The following GPC3 variants were observed in gnomAD, a reference collection of about 807,000 sequenced individuals.
GPC3 encodes glypican 3.
Under a neutral mutation model 34.4 loss-of-function variants are expected in GPC3, and 3 were observed. The observed-to-expected ratio is 0.09, with a 90% CI of 0.04 to 0.23. The LOEUF is 0.23. GPC3 is among the 10% of genes least tolerant of loss of function. The probability of loss-of-function intolerance (pLI) is 1.00; values close to 1 mark genes in which losing one functional copy is unlikely to be tolerated. For synonymous variants in GPC3, 177 were observed against 174.0 expected (o/e 1.02, Z -0.13); for missense variants, 351 against 445.6 (o/e 0.79, Z 1.91).
intron 6 of GPC3, among the ~76,000 whole-genome samples, chrX:133,632,040 T>C (rs2070372095): frequency 9.0e-6 from 1 of 111,212 alleles, no homozygotes; most frequent in Admixed American, 9.7e-5. Flanking sequence ...AATGATTTTT[T>C]TCAGGATACA....
intron 6 of GPC3, among the ~76,000 whole-genome samples, chrX:133,623,724 C>T (rs1462761733): frequency 4.5e-5 from 5 of 111,156 alleles, no homozygotes; most frequent in African/African-American, 1.6e-4. Flanking sequence ...ACTTTAACAC[C>T]CCACTGCCAA....
chrX:133,755,612 G>C (rs1432417500), intron 2 of GPC3, among the ~76,000 whole-genome samples: 1 of 112,482 alleles, frequency 8.9e-6, no homozygotes, highest in African/African-American at 3.2e-5. Flanking sequence ...CAGTGAGAGT[G>C]TAACAGTCTC....
intron 3 of GPC3, among the ~76,000 whole-genome samples, chrX:133,735,235 G>T (rs2071499200): frequency 9.0e-6 from 1 of 111,636 alleles, no homozygotes; most frequent in African/African-American, 3.3e-5. Flanking sequence ...ATTCAAAGCA[G>T]CATGGCACTG....
At chrX:133,794,034 A>T (rs2075563467) in intron 2 of GPC3, among the ~76,000 whole-genome samples, 1 of 112,386 alleles carries the variant, frequency 8.9e-6, no homozygotes, top group South Asian at 3.7e-4. Context: ...CAACAGAATG[A>T]AAGAAAAAAT....
rs145643179 is a variant in GPC3 at position 133,593,790 on chromosome X, G to C, written c.1573+2650C>G. Among the ~76,000 whole-genome samples the C allele has an allele frequency of 4.5e-3, 497 of 111,066 alleles. 3 individuals are homozygous for C. Among genetic ancestry groups the C allele is most frequent in the Admixed American group, 7.1e-3 (74 of 10,359 alleles). ...ATAGTATGTGCAGGAGGGTGTGAAG[G>C]GGGGAATAGAAAGGAAGGATTGGGC... On this transcript the variant is annotated intron_variant, in intron 7 of 7. Coordinates refer to ENST00000370818, the MANE Select transcript of GPC3 (RefSeq NM_004484.4).
intron 7 of GPC3, among the ~76,000 whole-genome samples, chrX:133,551,934 T>G (rs1161160655): frequency 8.9e-6 from 1 of 112,743 alleles, no homozygotes; most frequent in Non-Finnish European, 1.9e-5. Context: ...AGCCATGCCA[T>G]TTTAGTTAAT....
At chrX:133,852,748 G>A (rs773742079) in intron 2 of GPC3, among the ~76,000 whole-genome samples, 2 of 110,680 alleles carry the variant, frequency 1.8e-5, no homozygotes, top group East Asian at 5.7e-4. Flanking sequence ...TCCCCTCAAT[G>A]ATGAGGCAAG....
intron 2 of GPC3, among the ~76,000 whole-genome samples, chrX:133,761,364 C>T (rs191672253): frequency 1.1e-4 from 12 of 112,164 alleles, no homozygotes; most frequent in African/African-American, 3.9e-4. Flanking sequence ...TTATGTTTCA[C>T]ATTAATTTAA....
At position 133,963,467 on chromosome X, in the gene GPC3, GT is replaced by G. The variant is rs772614231; in HGVS notation, c.176-10257del. Among the ~76,000 whole-genome samples the G allele has an allele frequency of 1.8e-3, 205 of 111,896 alleles. 1 individual carries two copies. Among genetic ancestry groups the G allele is most frequent in the African/African-American group, 6.1e-3 (188 of 30,833 alleles). On this transcript the variant is annotated intron_variant, in intron 1 of 7. Coordinates refer to ENST00000370818, the MANE Select transcript of GPC3 (RefSeq NM_004484.4). ...GAATTAAATTAAACTCTTATTTAAT[GT>G]TTTCCAAACACATGCCTCCATTTCC... is the stretch of plus-strand genomic sequence containing the variant.
rs567090338 is a variant in GPC3 at position 133,845,883 on chromosome X, T to C, written c.338-91707A>G. Among the ~76,000 whole-genome samples, 15 of 111,765 alleles carry C rather than the reference T, an allele frequency of 1.3e-4. No homozygotes were observed. In the South Asian group the frequency reaches 5.3e-3, roughly 40 times the overall value. On this transcript the variant is annotated intron_variant, in intron 2 of 7. Coordinates refer to ENST00000370818, the MANE Select transcript of GPC3 (RefSeq NM_004484.4). ...CATTGACCAATCCTCCATCCAGGTG[T>C]TAGATTTGGGGTACCTTGATAATGC...
At chrX:133,859,777 A>T (rs763743949) in intron 2 of GPC3, among the ~76,000 whole-genome samples, 1 of 112,141 alleles carries the variant, frequency 8.9e-6, no homozygotes, top group African/African-American at 3.2e-5. Flanking sequence ...TATGTGTGTT[A>T]GTCTGTTTGT....
chrX:133,763,165 GT>G, intron 2 of GPC3: 1 of 717,679 alleles, frequency 1.4e-6, no homozygotes, highest in Non-Finnish European at 2.2e-6. Context: ...GCTTCTTGTG[GT>G]TACTGACCCC....
At chrX:133,700,060 T>C (rs773639576) in intron 3 of GPC3, 32 bp from the exon 4 acceptor site, 4 of 1,124,099 alleles carry the variant, frequency 3.6e-6, no homozygotes, top group South Asian at 1.9e-5. Flanking sequence ...AATTATATGA[T>C]ACTTGTGCAG....
chrX:133,710,168 A>T (rs748496110), intron 3 of GPC3, among the ~76,000 whole-genome samples: 2 of 112,195 alleles, frequency 1.8e-5, no homozygotes, highest in East Asian at 5.6e-4. Context: ...TCTTGAAGTA[A>T]ATTGGAATCC....
intron 2 of GPC3, among the ~76,000 whole-genome samples, chrX:133,888,444 C>T (rs767341678): frequency 1.1e-4 from 12 of 111,669 alleles, no homozygotes; most frequent in East Asian, 5.6e-4. Flanking sequence ...TGCCCAGTAA[C>T]GGGATTGCTT....
chrX:133,583,258 C>G (rs759454717), intron 7 of GPC3, among the ~76,000 whole-genome samples: 2 of 111,566 alleles, frequency 1.8e-5, no homozygotes, highest in African/African-American at 6.5e-5. Context: ...TTTAGCCCCT[C>G]AGAGCTATTC....
At chrX:133,554,804 A>AACCCC (rs1289637997) in intron 7 of GPC3, among the ~76,000 whole-genome samples, 1 of 112,003 alleles carries the variant, frequency 8.9e-6, no homozygotes, top group Non-Finnish European at 1.9e-5. Context: ...CAGGAATAAG[A>AACCCC]ACCCCTTCCC....
chrX:133,812,433 C>A (rs2075670308), intron 2 of GPC3, among the ~76,000 whole-genome samples: 1 of 111,998 alleles, frequency 8.9e-6, no homozygotes, highest in Admixed American at 9.5e-5. Flanking sequence ...AAGCAGTAGC[C>A]ATGATTTCCA....
intron 2 of GPC3, among the ~76,000 whole-genome samples, chrX:133,814,318 C>T (rs1203440106): frequency 9.0e-6 from 1 of 111,194 alleles, no homozygotes; most frequent in Non-Finnish European, 1.9e-5. Context: ...TTCTCTGAAG[C>T]ACACATACTT....
Sources: allele counts gnomAD v4.1 joint callset (sites outside exome capture counted in the v4.1 genomes callset), GRCh38; gene constraint gnomAD v4.1.1; transcripts MANE v1.5; gene names NCBI Gene and HGNC (gene_info 2026-07-23, HGNC 2026-07-21).